CTNND2: variants seen among roughly 807,000 people sequenced by gnomAD.
The protein encoded by CTNND2 is catenin delta 2.
Under a neutral mutation model 144.4 loss-of-function variants are expected in CTNND2, and 22 were observed. The ratio of observed to expected loss-of-function variants is 0.15; its 90% CI spans 0.11 to 0.22. The LOEUF is 0.22. Among genes scored for constraint, CTNND2 ranks in the 10% least tolerant of loss-of-function variants. CTNND2 has a pLI of 1.00. For synonymous variants in CTNND2, 751 were observed against 695.6 expected (o/e 1.08, Z -1.25); for missense variants, 1,353 against 1,618.8 (o/e 0.84, Z 2.82).
rs2189662 is a variant in CTNND2, at chr5:11,136,444, T to A, written c.2160-18877A>T. On this transcript the variant is annotated intron_variant, in intron 12 of 21. Coordinates refer to ENST00000304623, the MANE Select transcript of CTNND2 (RefSeq NM_001332.4). Reference sequence around the variant, plus strand: ...GAAGATAAAATGAAAAAGGCAAGAATGAAAAAAGGAGATAAAAATGAAATG... The same window carrying A: ...GAAGATAAAATGAAAAAGGCAAGAAAGAAAAAAGGAGATAAAAATGAAATG... Among the ~76,000 whole-genome samples the A allele has an allele frequency of 9.9e-4, 150 of 151,192 alleles. 4 individuals are homozygous for A. The East Asian group carries it at 0.024, about 25-fold the overall frequency.
intron 11 of CTNND2, among the ~76,000 whole-genome samples, chr5:11,198,190 T>C (rs904825882): frequency 2.0e-5 from 3 of 152,240 alleles, no homozygotes; most frequent in African/African-American, 7.2e-5. Context: ...TCATACTGTG[T>C]AGATAAAAGT....
chr5:11,784,583 G>A (rs1312503927), intron 1 of CTNND2, among the ~76,000 whole-genome samples: 1 of 152,184 alleles, frequency 6.6e-6, no homozygotes, highest in African/African-American at 2.4e-5. Flanking sequence ...ATAGAATTAA[G>A]GTTGCTAAGA....
intron 9 of CTNND2, among the ~76,000 whole-genome samples, chr5:11,293,117 GGC>G (rs1748538287): frequency 9.3e-6 from 1 of 107,064 alleles, no homozygotes; most frequent in African/African-American, 4.2e-5. Flanking sequence ...AACAAAGGCT[GGC>G]TTAGAAGTTA....
At chr5:11,642,164 A>G (rs1446413656) in intron 2 of CTNND2, among the ~76,000 whole-genome samples, 1 of 152,176 alleles carries the variant, frequency 6.6e-6, no homozygotes, top group Admixed American at 6.5e-5. Flanking sequence ...AGGTAGATCC[A>G]TTCTATCAAT....
rs1738341700 is a variant in CTNND2 at position 10,988,835 on chromosome 5, G to A, written c.3212-593C>T. Among the ~76,000 whole-genome samples, 1 of 152,118 alleles carries A rather than the reference G, an allele frequency of 6.6e-6. No homozygotes were observed. The highest frequency in any genetic ancestry group is 1.5e-5 in the Non-Finnish European group (1 of 68,038). On this transcript the variant is annotated intron_variant, in intron 19 of 21. Transcript: ENST00000304623. This position sits in a 1 kb window ranked among gnomAD's most constrained non-coding sequence, Gnocchi z 5.9. ...CCTTCTTTGTCTGTGGCTGGGGTGG[G>A]CTGGGGAGGGGCATGGAGGCAGCTC...
intron 2 of CTNND2, among the ~76,000 whole-genome samples, chr5:11,607,210 C>T (rs1323495638): frequency 6.6e-6 from 1 of 152,152 alleles, no homozygotes; most frequent in African/African-American, 2.4e-5. Context: ...TCTTGGACTT[C>T]TGGCCTTGAG....
intron 2 of CTNND2, among the ~76,000 whole-genome samples, chr5:11,616,256 G>A (rs954487275): frequency 7.2e-5 from 11 of 151,790 alleles, no homozygotes; most frequent in Admixed American, 2.6e-4. Context: ...ACTCTTTTTT[G>A]TCAAGGCATG....
intron 12 of CTNND2, among the ~76,000 whole-genome samples, chr5:11,129,307 T>TAAAAATATATATA (rs1755312343): frequency 1.0e-5 from 1 of 96,896 alleles, no homozygotes; most frequent in African/African-American, 4.4e-5. Context: ...ATATATTATA[T>TAAAAATATATATA]ATATAAATAT....
intron 2 of CTNND2, among the ~76,000 whole-genome samples, chr5:11,625,417 C>CTCTCTCTT (rs1377616283): frequency 1.3e-5 from 2 of 151,806 alleles, no homozygotes; most frequent in African/African-American, 4.8e-5. Flanking sequence ...CTCTCTCTCT[C>CTCTCTCTT]TCTCTCGCTC....
At chr5:11,403,429 G>A (rs981251391) in intron 5 of CTNND2, among the ~76,000 whole-genome samples, 2 of 152,150 alleles carry the variant, frequency 1.3e-5, no homozygotes, top group African/African-American at 4.8e-5. Flanking sequence ...TTACAATGGT[G>A]TAAAATGGAA....
intron 9 of CTNND2, among the ~76,000 whole-genome samples, chr5:11,271,360 C>T (rs1003307531): frequency 2.0e-4 from 31 of 152,118 alleles, no homozygotes; most frequent in African/African-American, 7.2e-4. Context: ...TAAAGTATTG[C>T]ATATACAATA....
At chr5:11,747,963 C>T (rs1179649899) in intron 1 of CTNND2, among the ~76,000 whole-genome samples, 8 of 152,112 alleles carry the variant, frequency 5.3e-5, no homozygotes, top group Non-Finnish European at 1.2e-4. Context: ...AGCTCAATGA[C>T]ACATCTAGTT....
intron 10 of CTNND2, among the ~76,000 whole-genome samples, chr5:11,234,134 T>C (rs1741357822): frequency 6.6e-6 from 1 of 151,508 alleles, no homozygotes; most frequent in African/African-American, 2.4e-5. Flanking sequence ...CACAGCAAAA[T>C]TAAAAAATAA....
intron 2 of CTNND2, among the ~76,000 whole-genome samples, chr5:11,594,670 T>C (rs1779417562): frequency 6.6e-6 from 1 of 152,136 alleles, no homozygotes; most frequent in Non-Finnish European, 1.5e-5. Flanking sequence ...TCCAATCTTT[T>C]GGACAAAAAA....
intron 14 of CTNND2, among the ~76,000 whole-genome samples, chr5:11,103,102 C>A (rs1014775708): frequency 6.6e-6 from 1 of 150,616 alleles, no homozygotes; most frequent in Non-Finnish European, 1.5e-5. Context: ...CTGCCTCAGC[C>A]TCCTGAGTAG....
intron 12 of CTNND2, among the ~76,000 whole-genome samples, chr5:11,131,794 A>AAAAAC (rs1312112105): frequency 5.9e-5 from 9 of 152,206 alleles, no homozygotes; most frequent in Non-Finnish European, 1.3e-4. Context: ...GTCTCAAAAA[A>AAAAAC]AAAAACAAAA....
At chr5:11,713,323 G>C (rs1581760739) in intron 2 of CTNND2, among the ~76,000 whole-genome samples, 1 of 152,268 alleles carries the variant, frequency 6.6e-6, no homozygotes, top group Non-Finnish European at 1.5e-5. Flanking sequence ...GCTCAGGCCT[G>C]TAATCCCAGT....
intron 2 of CTNND2, among the ~76,000 whole-genome samples, chr5:11,572,940 T>C (rs915256326): frequency 7.2e-5 from 11 of 152,178 alleles, no homozygotes; most frequent in Admixed American, 5.2e-4. Context: ...AGTATTTAAT[T>C]AGAAAGCAGA....
intron 1 of CTNND2, among the ~76,000 whole-genome samples, chr5:11,884,667 A>G (rs1411978058): frequency 1.3e-5 from 2 of 151,800 alleles, no homozygotes; most frequent in East Asian, 1.9e-4. Flanking sequence ...TCTCTTGTCT[A>G]TTCACTCTGG....
Sources: allele counts gnomAD v4.1 joint callset (sites outside exome capture counted in the v4.1 genomes callset), GRCh38; gene constraint gnomAD v4.1.1; non-coding constraint Gnocchi (gnomAD v3.1); transcripts MANE v1.5; gene names NCBI Gene and HGNC (gene_info 2026-07-23, HGNC 2026-07-21).